Variants in ZNF704 observed in about 807,000 individuals in gnomAD.
ZNF704 encodes glucocorticoid induced gene 1.
Under a neutral mutation model 44.7 loss-of-function variants are expected in ZNF704, and 10 were observed. That is an observed-to-expected ratio of 0.22 (90% CI 0.14 to 0.38). The LOEUF is 0.38. ZNF704 is among the 10% of genes least tolerant of loss of function. The probability of loss-of-function intolerance (pLI) is 1.00; values close to 1 mark genes in which losing one functional copy is unlikely to be tolerated. For missense variants in ZNF704, 390 were observed against 545.5 expected, an observed-to-expected ratio of 0.71 and a Z score of 2.84; for synonymous variants, 211 against 207.6, an observed-to-expected ratio of 1.02 and a Z score of -0.14.
intron 1 of ZNF704, among the ~76,000 whole-genome samples, chr8:80,823,322 G>A (rs968116525): frequency 6.6e-6 from 1 of 152,194 alleles, no homozygotes; most frequent in African/African-American, 2.4e-5. Flanking sequence ...CTTGCTCACT[G>A]CAAGGACAGC....
intron 2 of ZNF704, among the ~76,000 whole-genome samples, chr8:80,718,764 C>A (rs933036576): frequency 6.6e-6 from 1 of 152,124 alleles, no homozygotes; most frequent in Non-Finnish European, 1.5e-5. Context: ...TCCATTAAGT[C>A]GGGGGTGGCT....
intron 2 of ZNF704, among the ~76,000 whole-genome samples, chr8:80,787,630 A>C (rs1172715806): frequency 6.6e-6 from 1 of 152,144 alleles, no homozygotes; most frequent in East Asian, 1.9e-4. Context: ...TTCTTTTTTA[A>C]CAGTGAGGCG....
intron 4 of ZNF704, among the ~76,000 whole-genome samples, chr8:80,679,966 G>C (rs570417430): frequency 2.0e-5 from 3 of 152,174 alleles, no homozygotes; most frequent in Non-Finnish European, 4.4e-5. Context: ...ACTGTCTCTA[G>C]AACTTCCTTG....
At chr8:80,695,855 C>T (rs544038500) in intron 2 of ZNF704, among the ~76,000 whole-genome samples, 1 of 152,214 alleles carries the variant, frequency 6.6e-6, no homozygotes, top group African/African-American at 2.4e-5. Flanking sequence ...ATTTGGATTA[C>T]CTTTAAGTTT....
intron 1 of ZNF704, among the ~76,000 whole-genome samples, chr8:80,865,922 T>C (rs1343362148): frequency 6.6e-6 from 1 of 152,180 alleles, no homozygotes; most frequent in Non-Finnish European, 1.5e-5. Context: ...GTTTCCTACA[T>C]ATAAATTGTA....
chr8:80,660,112 T>C (rs112374472), intron 6 of ZNF704, among the ~76,000 whole-genome samples: 74 of 152,340 alleles, frequency 4.9e-4, no homozygotes, highest in African/African-American at 1.7e-3. Context: ...GTGTTAGCTA[T>C]TCCACTCTAG....
rs73268619 is a variant in ZNF704 at position 80,732,204 on chromosome 8, T to C, written c.222-39097A>G. ...GTGCTCTCCTATGATAATCCAATTA[T>C]ATACTACACCCATTTTCGGGATTTT... On this transcript the variant is annotated intron_variant, in intron 2 of 8. Transcript: ENST00000327835. 4.6e-3 allele frequency among the ~76,000 whole-genome samples: 699 copies of C among 152,318 alleles called. 5 individuals are homozygous for C. Among genetic ancestry groups the C allele is most frequent in the African/African-American group, 0.015 (639 of 41,570 alleles).
chr8:80,662,104 G>T (rs544861581), intron 6 of ZNF704, among the ~76,000 whole-genome samples: 1 of 152,166 alleles, frequency 6.6e-6, no homozygotes, highest in East Asian at 1.9e-4. Flanking sequence ...TACTGTTGTT[G>T]AAGAAGATTC....
chr8:80,748,351 T>C (rs1335994570), intron 2 of ZNF704, among the ~76,000 whole-genome samples: 1 of 152,014 alleles, frequency 6.6e-6, no homozygotes, highest in Non-Finnish European at 1.5e-5. Flanking sequence ...TCTGGTGAAG[T>C]GAGAATGGGG....
At chr8:80,829,669 T>C (rs1008593559) in intron 1 of ZNF704, among the ~76,000 whole-genome samples, 9 of 152,202 alleles carry the variant, frequency 5.9e-5, no homozygotes, top group Non-Finnish European at 1.3e-4. Context: ...AGAAATACTG[T>C]TATAACTGTA....
At chr8:80,722,299 T>C (rs1819181180) in intron 2 of ZNF704, among the ~76,000 whole-genome samples, 1 of 152,230 alleles carries the variant, frequency 6.6e-6, no homozygotes, top group African/African-American at 2.4e-5. Flanking sequence ...ACTGCCTGTT[T>C]GTTTCTCTTA....
chr8:80,765,633 T>C (rs1420524197), intron 2 of ZNF704, among the ~76,000 whole-genome samples: 1 of 152,170 alleles, frequency 6.6e-6, no homozygotes, highest in Admixed American at 6.5e-5. Context: ...ATTTTAACAT[T>C]TGGGATTTTA....
At chr8:80,780,746 C>T (rs1261679744) in intron 2 of ZNF704, among the ~76,000 whole-genome samples, 2 of 152,062 alleles carry the variant, frequency 1.3e-5, no homozygotes, top group Non-Finnish European at 2.9e-5. Flanking sequence ...CTGACAGCCA[C>T]CACAAGCTGA....
intron 1 of ZNF704, among the ~76,000 whole-genome samples, chr8:80,828,854 A>G (rs540506724): frequency 5.3e-5 from 8 of 152,332 alleles, no homozygotes; most frequent in African/African-American, 1.9e-4. Flanking sequence ...TCCAGAGTCC[A>G]GGGATGACTT....
intron 1 of ZNF704, among the ~76,000 whole-genome samples, chr8:80,832,684 GA>G (rs540081331): frequency 6.9e-5 from 10 of 144,368 alleles, no homozygotes; most frequent in East Asian, 2.0e-4. Flanking sequence ...AAATTCTAAA[GA>G]AAAAAAAAAG....
chr8:80,705,600 T>TTGTG (rs560580852), intron 2 of ZNF704, among the ~76,000 whole-genome samples: 2 of 150,972 alleles, frequency 1.3e-5, no homozygotes, highest in South Asian at 2.1e-4. Context: ...GTGTATGCAT[T>TTGTG]TGTGTGTGTG....
At chr8:80,728,354 G>A (rs1001470229) in intron 2 of ZNF704, among the ~76,000 whole-genome samples, 1 of 152,156 alleles carries the variant, frequency 6.6e-6, no homozygotes, top group Non-Finnish European at 1.5e-5. Context: ...TGGATGCATG[G>A]CAATGTTTAA....
chr8:80,645,498 G>T (rs1168272392), intron 7 of ZNF704, among the ~76,000 whole-genome samples: 1 of 152,178 alleles, frequency 6.6e-6, no homozygotes, highest in Admixed American at 6.5e-5. Context: ...TGCTGGAGGT[G>T]GGGCCTGGTG....
At position 80,642,223 on chromosome 8, in the gene ZNF704, C is replaced by T. The variant is rs1056019532; in HGVS notation, c.1128-746G>A. On this transcript the variant is annotated intron_variant, in intron 8 of 8. Coordinates refer to ENST00000327835, the MANE Select transcript of ZNF704 (RefSeq NM_001033723.3). Reference sequence around the variant, plus strand: ...TTTACAGTTTCATGGATTGAAGATTCATTCTTACTGTCGATCTTCGCAATC... The same window carrying T: ...TTTACAGTTTCATGGATTGAAGATTTATTCTTACTGTCGATCTTCGCAATC... 2.6e-5 allele frequency among the ~76,000 whole-genome samples: 4 copies of T among 152,246 alleles called. No individual in the cohort carries two copies. In the East Asian group the frequency reaches 5.8e-4, roughly 22 times the overall value.
Sources: gnomAD v4.1 joint callset for allele counts (sites outside exome capture counted in the v4.1 genomes callset) on GRCh38, gnomAD v4.1.1 for gene constraint, MANE v1.5 for transcripts, NCBI Gene and HGNC (gene_info 2026-07-23, HGNC 2026-07-21) for gene names.